RBFOX1: variants seen among roughly 807,000 people sequenced by gnomAD.
RBFOX1 encodes RNA binding fox-1 homolog 1.
Under a neutral mutation model 57.7 loss-of-function variants are expected in RBFOX1, and 8 were observed. That is an observed-to-expected ratio of 0.14 (90% CI 0.08 to 0.25). RBFOX1 has a LOEUF of 0.25. Ranked by LOEUF, RBFOX1 falls within the 10% of genes least tolerant of loss-of-function variation. The probability of loss-of-function intolerance (pLI) is 1.00; values close to 1 mark genes in which losing one functional copy is unlikely to be tolerated. For synonymous variants in RBFOX1, 326 were observed against 222.4 expected, an observed-to-expected ratio of 1.47 and a Z score of -4.15; for missense variants, 611 against 548.5, an observed-to-expected ratio of 1.11 and a Z score of -1.14.
Position 7,518,400 on chromosome 16 carries a change from G to A in RBFOX1, c.270+11G>A, listed in dbSNP as rs371402357. The A allele has an allele frequency of 1.3e-5, 21 of 1,602,632 alleles. No individual in the cohort carries two copies. Among genetic ancestry groups the A allele is most frequent in the South Asian group, 1.0e-4 (9 of 90,186 alleles). On this transcript the variant is annotated intron_variant, in intron 5 of 15. Coordinates refer to ENST00000550418, the MANE Select transcript of RBFOX1 (RefSeq NM_018723.4). ...TCTGGCACCGCCACAGTAAGTGGACGTGTTTGCTACGGGTGGGAGGTTATG... is the reference window on the plus strand; with the variant it reads ...TCTGGCACCGCCACAGTAAGTGGACATGTTTGCTACGGGTGGGAGGTTATG...
At chr16:7,359,770 T>A (rs1237961226) in intron 4 of RBFOX1, among the ~76,000 whole-genome samples, 3 of 151,986 alleles carry the variant, frequency 2.0e-5, no homozygotes, top group African/African-American at 4.8e-5. Flanking sequence ...GGATCACAAG[T>A]TCAGGAGATC....
intron 2 of RBFOX1, among the ~76,000 whole-genome samples, chr16:5,535,978 A>C (rs544313233): frequency 2.0e-5 from 3 of 152,232 alleles, no homozygotes; most frequent in Non-Finnish European, 4.4e-5. Flanking sequence ...ATGAGTTAGT[A>C]AAAGTTTGTA....
intron 1 of RBFOX1, among the ~76,000 whole-genome samples, chr16:6,272,561 C>A (rs79592119): frequency 1.7e-3 from 259 of 152,190 alleles, no homozygotes; most frequent in Non-Finnish European, 2.7e-3. Flanking sequence ...TCCCGGTAAG[C>A]TTTTTTGTGG....
chr16:6,227,686 A>C (rs901502906), intron 1 of RBFOX1, among the ~76,000 whole-genome samples: 7 of 152,196 alleles, frequency 4.6e-5, no homozygotes, highest in African/African-American at 1.4e-4. Context: ...TGGAACAGGA[A>C]TATTGGAGCA....
intron 4 of RBFOX1, among the ~76,000 whole-genome samples, chr16:7,224,614 A>AG (rs1425209102): frequency 1.3e-5 from 2 of 152,162 alleles, no homozygotes; most frequent in African/African-American, 4.8e-5. Flanking sequence ...GGGGTGGGTT[A>AG]GGGGGAGGTA....
intron 1 of RBFOX1, among the ~76,000 whole-genome samples, chr16:6,126,198 A>G (rs934172163): frequency 3.9e-5 from 6 of 152,226 alleles, no homozygotes; most frequent in Non-Finnish European, 8.8e-5. Context: ...CCAAAAAAGG[A>G]AAATTCACCC....
intron 3 of RBFOX1, among the ~76,000 whole-genome samples, chr16:5,776,714 G>T (rs1021142902): frequency 6.6e-6 from 1 of 152,166 alleles, no homozygotes; most frequent in African/African-American, 2.4e-5. Flanking sequence ...TTTCAACCCA[G>T]ACAGTCTGCC....
At chr16:6,659,597 T>C (rs1034768842) in intron 3 of RBFOX1, among the ~76,000 whole-genome samples, 7 of 152,244 alleles carry the variant, frequency 4.6e-5, no homozygotes, top group African/African-American at 1.7e-4. Flanking sequence ...CACTCAAGCA[T>C]GAGACCAGGA....
At chr16:5,915,553 T>A (rs55842220) in intron 4 of RBFOX1, among the ~76,000 whole-genome samples, 2 of 152,032 alleles carry the variant, frequency 1.3e-5, no homozygotes, top group African/African-American at 4.8e-5. Context: ...GAAGACAGGC[T>A]GGGCGCCGTG....
At chr16:6,632,702 G>GC (rs1408123199) in intron 2 of RBFOX1, among the ~76,000 whole-genome samples, 4 of 152,216 alleles carry the variant, frequency 2.6e-5, no homozygotes, top group Admixed American at 2.6e-4. Context: ...TGAAGTGCTT[G>GC]CCAGGCCTAA....
At chr16:5,631,117 C>G (rs2048493001) in intron 3 of RBFOX1, among the ~76,000 whole-genome samples, 1 of 152,170 alleles carries the variant, frequency 6.6e-6, no homozygotes, top group Admixed American at 6.5e-5. Context: ...TTGAAACAAT[C>G]TAAAGCAAAG....
intron 3 of RBFOX1, among the ~76,000 whole-genome samples, chr16:5,615,602 G>A (rs932084793): frequency 1.3e-5 from 2 of 152,144 alleles, no homozygotes; most frequent in African/African-American, 4.8e-5. Flanking sequence ...GTTCCCATAG[G>A]TCCTTGAACC....
At chr16:7,139,065 A>G (rs978479532) in intron 4 of RBFOX1, among the ~76,000 whole-genome samples, 1 of 151,966 alleles carries the variant, frequency 6.6e-6, no homozygotes, top group African/African-American at 2.4e-5. Context: ...TGCCCTCCCA[A>G]AGTGCTGGGA....
At chr16:7,558,858 T>A (rs2089552948) in intron 5 of RBFOX1, among the ~76,000 whole-genome samples, 1 of 152,238 alleles carries the variant, frequency 6.6e-6, no homozygotes, top group Non-Finnish European at 1.5e-5. Flanking sequence ...CTATATAATG[T>A]GGTAAGCATC....
intron 3 of RBFOX1, among the ~76,000 whole-genome samples, chr16:5,865,401 G>C (rs972879384): frequency 1.6e-4 from 25 of 152,178 alleles, no homozygotes; most frequent in African/African-American, 6.0e-4. Flanking sequence ...CACACCATGA[G>C]TTTCCCCATG....
intron 2 of RBFOX1, among the ~76,000 whole-genome samples, chr16:6,383,647 A>G (rs116177867): frequency 0.032 from 4,877 of 152,150 alleles, 293 homozygotes; most frequent in African/African-American, 0.11. Context: ...GTGTGTGCCT[A>G]TAATCCTACC....
At chr16:5,333,423 A>T (rs2064812225) in intron 1 of RBFOX1, among the ~76,000 whole-genome samples, 1 of 98,550 alleles carries the variant, frequency 1.0e-5, no homozygotes, top group South Asian at 5.3e-4. Context: ...TGAACAGCTG[A>T]AAATATTTTC....
chr16:7,538,519 G>A (rs571601278), intron 5 of RBFOX1, among the ~76,000 whole-genome samples: 6 of 152,220 alleles, frequency 3.9e-5, no homozygotes, highest in African/African-American at 1.4e-4. Flanking sequence ...TGTGTAACTG[G>A]CACCGAAGAT....
intron 4 of RBFOX1, among the ~76,000 whole-genome samples, chr16:7,092,748 C>G (rs2061069546): frequency 6.6e-6 from 1 of 152,044 alleles, no homozygotes; most frequent in Non-Finnish European, 1.5e-5. Context: ...GAGCTGAAAA[C>G]AGAGGATTGC....
Sources: gnomAD v4.1 joint callset for allele counts (sites outside exome capture counted in the v4.1 genomes callset) on GRCh38, gnomAD v4.1.1 for gene constraint, MANE v1.5 for transcripts, NCBI Gene and HGNC (gene_info 2026-07-23, HGNC 2026-07-21) for gene names.